The following TIMELESS variants were observed in gnomAD, a reference collection of about 807,000 sequenced individuals.
TIMELESS encodes the protein timeless circadian regulator, also known as protein timeless homolog.
TIMELESS carries 124 observed loss-of-function variants against 164.3 expected under a neutral mutation model. That is an observed-to-expected ratio of 0.75 (90% CI 0.65 to 0.88). The LOEUF (loss-of-function observed/expected upper bound fraction) is 0.88. TIMELESS is among the 40% of genes least tolerant of loss of function. The pLI is 0.00. For missense variants in TIMELESS, 1,422 were observed against 1,491.4 expected, an observed-to-expected ratio of 0.95 and a Z score of 0.77; for synonymous variants, 564 against 563.4, an observed-to-expected ratio of 1.00 and a Z score of -0.02.
Position 56,431,561 on chromosome 12 carries a change from T to C in TIMELESS, c.731A>G (p.Gln244Arg). 1 of 1,613,796 alleles carries C rather than the reference T, an allele frequency of 6.2e-7. No individual in the cohort carries two copies. The highest frequency in any genetic ancestry group is 8.5e-7 in the Non-Finnish European group (1 of 1,179,846). The part of the protein sequence containing the change: ...LAGVGQGRLA[Q>R]ERSADFAELE... The stretch of plus-strand genomic sequence containing the variant: ...TTCTGCAAAATCTGCACTCCGCTCC[T>C]GAGCTAAGCGTCCCTGCCCTACTCC... Residue 244 changes from glutamine to arginine, a missense_variant, in exon 8 of 29, where the codon CAG becomes CGG. Physicochemically the swap from Gln to Arg is conservative, Grantham distance 43. Transcript: ENST00000553532.
At position 56,433,902 on chromosome 12, in the gene TIMELESS, T is replaced by G; in HGVS notation, c.122A>C (p.Tyr41Ser). The change falls in exon 3 of 29, where the codon TAT becomes TCT. Residue 41 changes from tyrosine to serine, a missense_variant. By Grantham distance (144) the Tyr-to-Ser change is moderately radical. Coordinates refer to ENST00000553532, the MANE Select transcript of TIMELESS (RefSeq NM_003920.5). ...TCGTGTCTCATCCTCATGCCTCAAA[T>G]AGCGGATCAGATCCTTCACGCTCTC... ...CLESVKDLIRYLRHEDETRDV... is the reference protein window; with the variant it reads ...CLESVKDLIRSLRHEDETRDV... 6.2e-7 allele frequency: 1 copy of G among 1,614,154 alleles called. No individual in the cohort carries two copies. The highest frequency in any genetic ancestry group is 8.5e-7 in the Non-Finnish European group (1 of 1,180,012).
chr12:56,426,385 C>CTTTTT (rs35546587), intron 13 of TIMELESS, among the ~76,000 whole-genome samples: 1 of 137,080 alleles, frequency 7.3e-6, no homozygotes, highest in Admixed American at 7.5e-5. Context: ...GGTACAAAAT[C>CTTTTT]TTTTTTTTTT....
At position 56,433,462 on chromosome 12, in the gene TIMELESS, G is replaced by A; in HGVS notation, c.367-19C>T. The A allele has an allele frequency of 6.2e-7, 1 of 1,614,140 alleles. No individual in the cohort carries two copies. The highest frequency in any genetic ancestry group is 8.5e-7 in the Non-Finnish European group (1 of 1,179,990). On this transcript the variant is annotated intron_variant, in intron 4 of 28. Transcript: ENST00000553532. Reference sequence around the variant, plus strand: ...CAAAGGCCTGTGAAATAGGGAACCTGATCTTAAGTAGCAGTCATCCACTTC... The same window carrying A: ...CAAAGGCCTGTGAAATAGGGAACCTAATCTTAAGTAGCAGTCATCCACTTC...
chr12:56,430,262 T>C lies in TIMELESS; in HGVS notation c.929A>G (p.Asp310Gly). 6.2e-7 allele frequency: 1 copy of C among 1,613,396 alleles called. No individual in the cohort carries two copies. The highest frequency in any genetic ancestry group is 2.2e-5 in the East Asian group (1 of 44,826). The change falls in exon 10 of 29, where the codon GAT becomes GGT. Residue 310 changes from aspartate (D) to glycine (G), a missense_variant. By Grantham distance (94) the Asp-to-Gly change is moderately conservative. Coordinates refer to ENST00000553532, the MANE Select transcript of TIMELESS (RefSeq NM_003920.5). Reference sequence around the variant, plus strand: ...CACCTTTTTCGGCTGCTTTCCCAAATCTGAACTGTAGTTTCGTAGCTGGGT... The same window carrying C: ...CACCTTTTTCGGCTGCTTTCCCAAACCTGAACTGTAGTTTCGTAGCTGGGT... ...GLHNLRNYSS[D>G]LGKQPKKVPK...
At chr12:56,420,916 C>T (rs768881751) in intron 24 of TIMELESS, 35 bp from the exon 25 acceptor site, 13 of 1,613,970 alleles carry the variant, frequency 8.1e-6, no homozygotes, top group Admixed American at 5.0e-5. Context: ...TTTGACCCTA[C>T]TCCCAAGCCC....
At chr12:56,427,321 T>C (rs1336248117) in intron 13 of TIMELESS, among the ~76,000 whole-genome samples, 1 of 151,850 alleles carries the variant, frequency 6.6e-6, no homozygotes, top group Non-Finnish European at 1.5e-5. Flanking sequence ...AGGAGTTTTG[T>C]CATGTTGCCC....
intron 1 of TIMELESS, among the ~76,000 whole-genome samples, chr12:56,447,190 T>TTG (rs1555179151): frequency 2.9e-5 from 2 of 69,286 alleles, no homozygotes; most frequent in African/African-American, 6.9e-5. Context: ...TTGTTTTTTT[T>TTG]TTTTTTTTTT....
Position 56,421,868 on chromosome 12 carries a change from C to T in TIMELESS, c.2642+31G>A, listed in dbSNP as rs72478996. The T allele has an allele frequency of 6.4e-3, 10,403 of 1,613,410 alleles. 579 individuals carry two copies. The African/African-American group carries it at 0.12, about 19-fold the overall frequency. On this transcript the variant is annotated intron_variant, in intron 21 of 28. Coordinates refer to ENST00000553532, the MANE Select transcript of TIMELESS (RefSeq NM_003920.5). ...CAGGAAGTGATCACGAGTCCCCATCCCAATAGCCTCCAGAGCATGTGCCTC... is the reference window on the plus strand; with the variant it reads ...CAGGAAGTGATCACGAGTCCCCATCTCAATAGCCTCCAGAGCATGTGCCTC...
intron 26 of TIMELESS, among the ~76,000 whole-genome samples, chr12:56,418,572 CTTTTTTTTTT>C (rs372018339): frequency 7.9e-6 from 1 of 126,796 alleles, no homozygotes; most frequent in East Asian, 2.2e-4. Context: ...TTTGGTTGTT[CTTTTTTTTTT>C]TTTTTTTTTA....
chr12:56,434,003 G>A, intron 2 of TIMELESS, 71 bp downstream of exon 2: 3 of 1,611,834 alleles, frequency 1.9e-6, no homozygotes, highest in South Asian at 2.2e-5. Flanking sequence ...TCACACCCAT[G>A]GTTTGAGGAA....
At chr12:56,428,798 A>T in intron 11 of TIMELESS, 85 bp downstream of exon 11, 1 of 1,517,312 alleles carries the variant, frequency 6.6e-7, no homozygotes, top group Non-Finnish European at 9.1e-7. Flanking sequence ...GATCACCTGA[A>T]CCCTGAATCA....
intron 1 of TIMELESS, among the ~76,000 whole-genome samples, chr12:56,442,420 G>A (rs1290616773): frequency 1.3e-5 from 2 of 152,062 alleles, no homozygotes; most frequent in African/African-American, 2.4e-5. Context: ...AGCTTTATGG[G>A]AAAAACCTCA....
In TIMELESS at chr12:56,430,919, C is replaced by T. The variant is rs200920203; in HGVS notation, c.871G>A (p.Gly291Arg). Residue 291 changes from glycine (G) to arginine (R), a missense_variant, in exon 9 of 29, where the codon GGG becomes AGG. Physicochemically the swap from Gly to Arg is moderately radical, Grantham distance 125. Transcript: ENST00000553532. Reference protein sequence around the residue: ...SYIVQGLKSIGERDLIFHKGL... With the variant: ...SYIVQGLKSIRERDLIFHKGL... ...TTGTGAAAGATGAGGTCCCTCTCCC[C>T]AATGGATTTCAACCCCTGGACAATA... The T allele has an allele frequency of 1.1e-4, 174 of 1,606,692 alleles. No individual in the cohort carries two copies. Among genetic ancestry groups the T allele is most frequent in the Non-Finnish European group, 1.4e-4 (170 of 1,176,784 alleles).
intron 13 of TIMELESS, 143 bp from the exon 14 acceptor site, chr12:56,425,295 T>C (rs1003964587): frequency 9.5e-7 from 1 of 1,053,022 alleles, no homozygotes; most frequent in Non-Finnish European, 1.3e-6. Context: ...AAAGCAATAG[T>C]GAACAGCATA....
intron 5 of TIMELESS, 58 bp downstream of exon 5, chr12:56,433,323 C>T: frequency 6.3e-7 from 1 of 1,579,072 alleles, no homozygotes; most frequent in Non-Finnish European, 8.7e-7. Flanking sequence ...TCCTCCTCTG[C>T]CCGGAGAAGG....
intron 9 of TIMELESS, 86 bp from the exon 10 acceptor site, chr12:56,430,367 ATT>A: frequency 6.8e-7 from 1 of 1,473,204 alleles, no homozygotes; most frequent in Non-Finnish European, 9.1e-7. Context: ...GAAGAAACTA[ATT>A]TTTGTTTTTC....
Position 56,418,025 on chromosome 12 carries a change from T to A in TIMELESS, c.3455-17A>T, listed in dbSNP as rs766989680. 1 of 1,614,066 alleles carries A rather than the reference T, an allele frequency of 6.2e-7. No individual in the cohort carries two copies. Among genetic ancestry groups the A allele is most frequent in the Non-Finnish European group, 8.5e-7 (1 of 1,180,034 alleles). On this transcript the variant is annotated splice_polypyrimidine_tract_variant and intron_variant, in intron 27 of 28. Coordinates refer to ENST00000553532, the MANE Select transcript of TIMELESS (RefSeq NM_003920.5). ...CGTCTTCCTCTGCAATGACCATAAA[T>A]GACACAAAATTAGGAACTCGGTCCT... is the stretch of plus-strand genomic sequence containing the variant.
rs953690906 is a variant in TIMELESS, at chr12:56,423,090, C to G, written c.2293-98G>C. 1.4e-5 allele frequency: 20 copies of G among 1,455,580 alleles called. No individual in the cohort carries two copies. The African/African-American group carries it at 2.0e-4, about 14-fold the overall frequency. The allele number at this position is 1,455,580 out of a possible 1,614,324, so 90.2% of individuals were successfully genotyped here. A position where few individuals can be genotyped will look rare whatever the true frequency, so the allele number is the denominator to read the frequency against. On this transcript the variant is annotated intron_variant, in intron 18 of 28. Coordinates refer to ENST00000553532, the MANE Select transcript of TIMELESS (RefSeq NM_003920.5). ...TCTCTATAGCTGTTCCCAGCTGCCC[C>G]CTCCTCACTCACTCTCTTCTGTCCT...
chr12:56,418,375 A>G lies in TIMELESS; in HGVS notation c.3229-16T>C. The G allele has an allele frequency of 6.3e-7, 1 of 1,583,222 alleles. No homozygotes were observed. On this transcript the variant is annotated splice_polypyrimidine_tract_variant and intron_variant, in intron 26 of 28. Coordinates refer to ENST00000553532, the MANE Select transcript of TIMELESS (RefSeq NM_003920.5). ...AGAAGGTTTCCTACAGGGGCCAAAA[A>G]GTTGAAAAGGGAAAGGACCAGCTTT...
Sources: gnomAD v4.1 joint callset for allele counts (sites outside exome capture counted in the v4.1 genomes callset) on GRCh38, gnomAD v4.1.1 for gene constraint, MANE v1.5 for transcripts, NCBI Gene and HGNC (gene_info 2026-07-23, HGNC 2026-07-21) for gene names.